Variants in GLP2R observed in about 807,000 individuals in gnomAD.
The protein encoded by GLP2R is glucagon-like peptide 2 receptor.
In GLP2R, 59 loss-of-function variants were observed where a neutral mutation model predicts 68.2. The ratio of observed to expected loss-of-function variants is 0.87; its 90% CI spans 0.70 to 1.07. The LOEUF (loss-of-function observed/expected upper bound fraction) is 1.07. Ranked by LOEUF, GLP2R falls within the 50% of genes least tolerant of loss-of-function variation. The pLI, the probability that GLP2R is intolerant of heterozygous loss-of-function variation, is 0.00. For synonymous variants in GLP2R, 270 were observed against 265.4 expected, an observed-to-expected ratio of 1.02 and a Z score of -0.17; for missense variants, 548 against 677.4, an observed-to-expected ratio of 0.81 and a Z score of 2.12.
At chr17:9,841,812 C>A (rs1028780510) in intron 3 of GLP2R, among the ~76,000 whole-genome samples, 1 of 152,142 alleles carries the variant, frequency 6.6e-6, no homozygotes, top group Non-Finnish European at 1.5e-5. Context: ...GAAGGACCAA[C>A]AGATTTCGAC....
intron 3 of GLP2R, 98 bp downstream of exon 3, chr17:9,836,573 T>C: frequency 1.5e-6 from 1 of 689,044 alleles, no homozygotes; most frequent in East Asian, 2.6e-5. Context: ...CAGTAATACA[T>C]CTTCCTTCTG....
At chr17:9,877,777 T>C (rs1204317218) in intron 10 of GLP2R, among the ~76,000 whole-genome samples, 1 of 149,222 alleles carries the variant, frequency 6.7e-6, no homozygotes, top group Non-Finnish European at 1.5e-5. Flanking sequence ...CTCGGGAAGC[T>C]GAGGCAGGAG....
At chr17:9,845,748 C>CGTGTGTGTGTGTGTGTGCGTGTGT (rs2066831356) in intron 4 of GLP2R, among the ~76,000 whole-genome samples, 3 of 148,352 alleles carry the variant, frequency 2.0e-5, no homozygotes, top group Non-Finnish European at 3.0e-5. Flanking sequence ...TGTGTGTGTG[C>CGTGTGTGTGTGTGTGTGCGTGTGT]GTGTGTGTGT....
chr17:9,830,781 G>T (rs2066673133), intron 1 of GLP2R, among the ~76,000 whole-genome samples: 1 of 152,146 alleles, frequency 6.6e-6, no homozygotes. Context: ...TGATGATGTT[G>T]TCTCTTTGCA....
intron 11 of GLP2R, among the ~76,000 whole-genome samples, chr17:9,884,119 G>C (rs1458581776): frequency 6.6e-6 from 1 of 152,102 alleles, no homozygotes; most frequent in African/African-American, 2.4e-5. Flanking sequence ...AGATATATAG[G>C]AGAACATTTT....
intron 12 of GLP2R, among the ~76,000 whole-genome samples, chr17:9,888,561 G>C (rs902383025): frequency 3.3e-5 from 5 of 152,158 alleles, no homozygotes; most frequent in Admixed American, 6.5e-5. Flanking sequence ...CTGCCTCCCA[G>C]ATTCAAGCGA....
chr17:9,841,183 A>ATTTTTTTTTTT (rs139792270), intron 3 of GLP2R, among the ~76,000 whole-genome samples: 1 of 144,364 alleles, frequency 6.9e-6, no homozygotes, highest in African/African-American at 2.6e-5. Flanking sequence ...TGCCTAGCTA[A>ATTTTTTTTTTT]TTTTTTTTTT....
intron 11 of GLP2R, among the ~76,000 whole-genome samples, chr17:9,881,153 C>T (rs1034749491): frequency 6.6e-6 from 1 of 152,134 alleles, no homozygotes; most frequent in African/African-American, 2.4e-5. Flanking sequence ...TGTGATGCCT[C>T]CTGGGGCTGG....
At chr17:9,837,385 A>G (rs1010674382) in intron 3 of GLP2R, among the ~76,000 whole-genome samples, 8 of 152,206 alleles carry the variant, frequency 5.3e-5, no homozygotes, top group Non-Finnish European at 8.8e-5. Flanking sequence ...CTTCTAGAGT[A>G]CAGATCCAGC....
At chr17:9,860,394 T>G (rs531861239) in intron 7 of GLP2R, among the ~76,000 whole-genome samples, 1 of 152,174 alleles carries the variant, frequency 6.6e-6, no homozygotes, top group Non-Finnish European at 1.5e-5. Flanking sequence ...CTGCTTGGAA[T>G]GTCAAAACAA....
chr17:9,856,131 G>A (rs748557064), intron 5 of GLP2R, among the ~76,000 whole-genome samples: 2 of 152,174 alleles, frequency 1.3e-5, no homozygotes, highest in Non-Finnish European at 2.9e-5. Flanking sequence ...ACCCCATTGG[G>A]AGAACCATGC....
intron 9 of GLP2R, among the ~76,000 whole-genome samples, chr17:9,863,864 A>G (rs62066046): frequency 0.21 from 31,504 of 152,194 alleles, 4,287 homozygotes; most frequent in Non-Finnish European, 0.31. Flanking sequence ...TCATCCTGGC[A>G]GCCAGCCCAA....
At chr17:9,850,692 C>CT (rs11288196) in intron 4 of GLP2R, among the ~76,000 whole-genome samples, 47,214 of 125,896 alleles carry the variant, frequency 0.38, 10,139 homozygotes, top group African/African-American at 0.54. Context: ...GATTTTTTCA[C>CT]TTTTTTTTTT....
At chr17:9,840,271 G>A (rs1468956636) in intron 3 of GLP2R, among the ~76,000 whole-genome samples, 3 of 152,172 alleles carry the variant, frequency 2.0e-5, no homozygotes, top group Admixed American at 6.5e-5. Flanking sequence ...CACCGCACCC[G>A]GCCTCTGAGG....
At chr17:9,887,714 G>C (rs2067255893) in intron 11 of GLP2R, among the ~76,000 whole-genome samples, 1 of 152,198 alleles carries the variant, frequency 6.6e-6, no homozygotes, top group Admixed American at 6.5e-5. Context: ...AGGCGGAGCA[G>C]GGCGGGCGGG....
At chr17:9,852,466 T>C (rs8074576) in intron 4 of GLP2R, among the ~76,000 whole-genome samples, 37,528 of 152,040 alleles carry the variant, frequency 0.25, 7,129 homozygotes, top group African/African-American at 0.52. Flanking sequence ...TTATCCAATC[T>C]ATAGCATTCT....
intron 10 of GLP2R, among the ~76,000 whole-genome samples, chr17:9,873,154 C>G (rs12953287): frequency 6.6e-6 from 1 of 152,052 alleles, no homozygotes; most frequent in Non-Finnish European, 1.5e-5. Flanking sequence ...TGGGTGCACT[C>G]AGGGAGGAGA....
chr17:9,867,268 T>C (rs1044831517), intron 9 of GLP2R, among the ~76,000 whole-genome samples: 4 of 152,236 alleles, frequency 2.6e-5, no homozygotes, highest in African/African-American at 4.8e-5. Context: ...TCCCTAGTTA[T>C]CACAGTTGGA....
chr17:9,889,123 C>A (rs991107202), intron 12 of GLP2R, among the ~76,000 whole-genome samples: 1 of 152,172 alleles, frequency 6.6e-6, no homozygotes, highest in African/African-American at 2.4e-5. Flanking sequence ...CATGCCACCC[C>A]GGCAGAGTCC....
Sources: gnomAD v4.1 joint callset for allele counts (sites outside exome capture counted in the v4.1 genomes callset) on GRCh38, gnomAD v4.1.1 for gene constraint, MANE v1.5 for transcripts, NCBI Gene and HGNC (gene_info 2026-07-23, HGNC 2026-07-21) for gene names.